Variants in IGFBP4 observed in about 807,000 individuals in gnomAD.
IGFBP4 encodes the protein insulin like growth factor binding protein 4, also known as insulin-like growth factor-binding protein 4.
IGFBP4 carries 9 observed loss-of-function variants against 25.8 expected under a neutral mutation model. The observed-to-expected ratio is 0.35, with a 90% CI of 0.21 to 0.61. IGFBP4 has a LOEUF of 0.61. IGFBP4 is among the 20% of genes least tolerant of loss of function. The pLI is 0.77. For missense variants in IGFBP4, 315 were observed against 365.3 expected (o/e 0.86, Z 1.12); for synonymous variants, 153 against 153.9 (o/e 0.99, Z 0.05).
At position 40,443,868 on chromosome 17, in the gene IGFBP4, G is replaced by C. The variant is rs910722865; in HGVS notation, c.133G>C (p.Glu45Gln). 4.2e-5 allele frequency: 65 copies of C among 1,531,296 alleles called. No homozygotes were observed. The highest frequency in any genetic ancestry group is 5.2e-5 in the Non-Finnish European group (60 of 1,144,974). 94.9% of individuals were successfully genotyped at this position (1,531,296 alleles called of 1,614,324 possible). A position where few individuals can be genotyped will look rare whatever the true frequency, so the allele number is the denominator to read the frequency against. The change falls in exon 1 of 4, where the codon GAG becomes CAG. Residue 45 changes from glutamate to glutamine, a missense_variant. Physicochemically the swap from Glu to Gln is conservative, Grantham distance 29. Coordinates refer to ENST00000269593, the MANE Select transcript of IGFBP4 (RefSeq NM_001552.3). Reference sequence around the variant, plus strand: ...GCGCTGCCGCCCCCCCGTGGGCTGCGAGGAGCTGGTGCGAGAGCCGGGCTG... The same window carrying C: ...GCGCTGCCGCCCCCCCGTGGGCTGCCAGGAGCTGGTGCGAGAGCCGGGCTG... ...LARCRPPVGC[E>Q]ELVREPGCGC...
Position 40,452,975 on chromosome 17 carries a change from C to A in IGFBP4, c.350-10C>A. ...GGTGCTGACCTCTCCTTATCGCTACCTGAATACAGACAAGGACGAGGGTGA... is the reference window on the plus strand; with the variant it reads ...GGTGCTGACCTCTCCTTATCGCTACATGAATACAGACAAGGACGAGGGTGA... On this transcript the variant is annotated splice_polypyrimidine_tract_variant and intron_variant, in intron 1 of 3. Transcript: ENST00000269593. The A allele has an allele frequency of 6.6e-7, 1 of 1,509,340 alleles. No individual in the cohort carries two copies. The highest frequency in any genetic ancestry group is 1.3e-5 in the South Asian group (1 of 77,424). The allele number at this position is 1,509,340 out of a possible 1,614,324, so 93.5% of individuals were successfully genotyped here.
intron 1 of IGFBP4, 127 bp from the exon 2 acceptor site, chr17:40,452,857 GC>G: frequency 1.5e-6 from 1 of 668,896 alleles, no homozygotes. Flanking sequence ...CGCTCCCCAG[GC>G]CCCCTGCTCT....
At chr17:40,447,045 C>T (rs958783777) in intron 1 of IGFBP4, among the ~76,000 whole-genome samples, 3 of 152,236 alleles carry the variant, frequency 2.0e-5, no homozygotes, top group South Asian at 2.1e-4. Flanking sequence ...CCCACTGGCC[C>T]GCGAATAGCT....
chr17:40,445,777 A>ACAACAGAG (rs2035641317), intron 1 of IGFBP4, among the ~76,000 whole-genome samples: 1 of 152,128 alleles, frequency 6.6e-6, no homozygotes, highest in Non-Finnish European at 1.5e-5. Context: ...TTCGCGGGGT[A>ACAACAGAG]CAACAGAGTC....
intron 1 of IGFBP4, among the ~76,000 whole-genome samples, chr17:40,446,854 T>C (rs372526715): frequency 5.5e-4 from 84 of 152,298 alleles, no homozygotes; most frequent in African/African-American, 1.9e-3. Context: ...CTAGTCATCA[T>C]AGAAGTAATC....
intron 3 of IGFBP4, among the ~76,000 whole-genome samples, chr17:40,455,225 C>T (rs902229096): frequency 6.6e-6 from 1 of 152,148 alleles, no homozygotes; most frequent in African/African-American, 2.4e-5. Context: ...TAACATCTTA[C>T]ATTTGTTGCA....
At chr17:40,444,858 CAGAGAG>C (rs112583043) in intron 1 of IGFBP4, among the ~76,000 whole-genome samples, 17 of 122,840 alleles carry the variant, frequency 1.4e-4, no homozygotes, top group East Asian at 1.2e-3. Flanking sequence ...GGGAGAGAAA[CAGAGAG>C]AGAGAGAGAG....
chr17:40,444,932 C>CAGAGAGAGAG lies in IGFBP4; in HGVS notation c.349+892_349+901dup, dbSNP rs10603634. On this transcript the variant is annotated intron_variant, in intron 1 of 3. Coordinates refer to ENST00000269593, the MANE Select transcript of IGFBP4 (RefSeq NM_001552.3). ...ACACACACACACACACACACAGAGA[C>CAGAGAGAGAG]AGAGAGAGAGAGAGAGAGAGAGAGA... Among the ~76,000 whole-genome samples the CAGAGAGAGAG allele has an allele frequency of 3.9e-3, 293 of 75,298 alleles. 4 individuals are homozygous for CAGAGAGAGAG. The highest frequency in any genetic ancestry group is 6.3e-3 in the Middle Eastern group (1 of 158). The allele number at this position is 75,298 out of a possible 152,430, so 49.4% of individuals were successfully genotyped here.
intron 1 of IGFBP4, among the ~76,000 whole-genome samples, chr17:40,447,490 T>C (rs1046010927): frequency 2.6e-5 from 4 of 152,144 alleles, no homozygotes; most frequent in African/African-American, 7.2e-5. Context: ...ATGCAGCAAA[T>C]TCTGCCCCCC....
chr17:40,453,866 C>G lies in IGFBP4; in HGVS notation c.508-62C>G. 2 of 1,363,980 alleles carry G rather than the reference C, an allele frequency of 1.5e-6. No individual in the cohort carries two copies. 84.5% of individuals were successfully genotyped at this position (1,363,980 alleles called of 1,614,324 possible). On this transcript the variant is annotated intron_variant, in intron 2 of 3. Coordinates refer to ENST00000269593, the MANE Select transcript of IGFBP4 (RefSeq NM_001552.3). The surrounding 1 kb of genome is among the most constrained non-coding windows in gnomAD (Gnocchi z 4.0). ...CTTCAGTTCTCACTTAGCTCTGACC[C>G]CAGGCCTGGGCCTCCTGCCTCTCTT...
Position 40,453,084 on chromosome 17 carries a change from G to C in IGFBP4, c.449G>C (p.Ser150Thr), listed in dbSNP as rs1433615900. The C allele has an allele frequency of 2.5e-6, 4 of 1,601,606 alleles. No homozygotes were observed. The highest frequency in any genetic ancestry group is 3.4e-6 in the Non-Finnish European group (4 of 1,174,002). Residue 150 changes from serine (S) to threonine (T), a missense_variant, in exon 2 of 4, where the codon AGC becomes ACC. By Grantham distance (58) the Ser-to-Thr change is moderately conservative. Coordinates refer to ENST00000269593, the MANE Select transcript of IGFBP4 (RefSeq NM_001552.3). The surrounding 1 kb of genome is among the most constrained non-coding windows in gnomAD (Gnocchi z 4.0). ...CACTTCGCCAAAATTCGAGACCGGA[G>C]CACCAGTGGGGGCAAGATGAAGGTC... is the stretch of plus-strand genomic sequence containing the variant. ...QKHFAKIRDRSTSGGKMKVNG... is the reference protein window; with the variant it reads ...QKHFAKIRDRTTSGGKMKVNG...
At position 40,453,130 on chromosome 17, in the gene IGFBP4, T is replaced by C. The variant is rs763234674; in HGVS notation, c.495T>C (p.Asp165=). The change falls in exon 2 of 4, where the codon GAT becomes GAC. Residue 165 remains aspartate, a synonymous_variant. Coordinates refer to ENST00000269593, the MANE Select transcript of IGFBP4 (RefSeq NM_001552.3). This position sits in a 1 kb window ranked among gnomAD's most constrained non-coding sequence, Gnocchi z 4.0. ...KMKVNGAPRE[D]ARPVPQGSCQ... is the part of the protein sequence containing the mutation. ...AGGTCAATGGGGCGCCCCGGGAGGA[T>C]GCCCGGCCTGTGGTAAGGACCTCCG... is the stretch of plus-strand genomic sequence containing the variant. 2 of 1,570,094 alleles carry C rather than the reference T, an allele frequency of 1.3e-6. No individual in the cohort carries two copies. The highest frequency in any genetic ancestry group is 2.4e-5 in the South Asian group (2 of 84,668).
At chr17:40,451,992 C>T (rs75202709) in intron 1 of IGFBP4, among the ~76,000 whole-genome samples, 4,662 of 152,192 alleles carry the variant, frequency 0.031, 95 homozygotes, top group Middle Eastern at 0.085. Context: ...CACATGCCAC[C>T]ATACCCGGTT....
At position 40,443,705 on chromosome 17, in the gene IGFBP4, C is replaced by T; in HGVS notation, c.-31C>T. On this transcript the variant is annotated 5_prime_UTR_variant, in exon 1 of 4. Transcript: ENST00000269593. ...CCGCGCTCCCCGCCTGCGCCCAGCG[C>T]CCCGCGCCCGCGCCCAGTCCTCGGG... 7.7e-7 allele frequency: 1 copy of T among 1,303,114 alleles called. No homozygotes were observed. Among genetic ancestry groups the T allele is most frequent in the Non-Finnish European group, 9.8e-7 (1 of 1,024,194 alleles). 80.7% of individuals were successfully genotyped at this position (1,303,114 alleles called of 1,614,324 possible).
chr17:40,452,677 T>A (rs780901885), intron 1 of IGFBP4, among the ~76,000 whole-genome samples: 22 of 151,980 alleles, frequency 1.4e-4, no homozygotes, highest in Admixed American at 8.5e-4. Flanking sequence ...GCCTCAGACC[T>A]CCCTGCAGGG....
At chr17:40,448,599 A>G (rs539033744) in intron 1 of IGFBP4, among the ~76,000 whole-genome samples, 51 of 152,200 alleles carry the variant, frequency 3.4e-4, no homozygotes, top group Non-Finnish European at 5.6e-4. Context: ...GGTGGCTGGA[A>G]CTCTTGTGTG....
rs10305291 is a variant in IGFBP4 at position 40,449,056 on chromosome 17, C to A, written c.350-3929C>A. Among the ~76,000 whole-genome samples, 1,352 of 152,274 alleles carry A rather than the reference C, an allele frequency of 8.9e-3. 8 individuals carry two copies. Among genetic ancestry groups the A allele is most frequent in the Non-Finnish European group, 0.015 (998 of 68,024 alleles). Reference sequence around the variant, plus strand: ...CTCTCCCTATCTGGTGGGTGCTACTCCGTGTAGACATGAACTGGGGATAAG... The same window carrying A: ...CTCTCCCTATCTGGTGGGTGCTACTACGTGTAGACATGAACTGGGGATAAG... On this transcript the variant is annotated intron_variant, in intron 1 of 3. Coordinates refer to ENST00000269593, the MANE Select transcript of IGFBP4 (RefSeq NM_001552.3).
In IGFBP4 at chr17:40,443,637, C is replaced by T. The variant is rs2035621966; in HGVS notation, c.-99C>T. 1 of 518,016 alleles carries T rather than the reference C, an allele frequency of 1.9e-6. No individual in the cohort carries two copies. The highest frequency in any genetic ancestry group is 2.5e-6 in the Non-Finnish European group (1 of 393,614). 32.1% of individuals were successfully genotyped at this position (518,016 alleles called of 1,614,324 possible). The stretch of plus-strand genomic sequence containing the variant: ...CTCCGGGTCGGGTCCTCCAGGAGCG[C>T]CAGGCGCTGCCGCCGTGTGCCCTCC... On this transcript the variant is annotated 5_prime_UTR_variant, in exon 1 of 4. Transcript: ENST00000269593.
chr17:40,455,587 A>T (rs2035709841), intron 3 of IGFBP4, among the ~76,000 whole-genome samples: 2 of 151,672 alleles, frequency 1.3e-5, no homozygotes, highest in Admixed American at 6.6e-5. Flanking sequence ...GGTTCAAGCG[A>T]TTCTCCTGCC....
Sources: allele counts gnomAD v4.1 joint callset (sites outside exome capture counted in the v4.1 genomes callset), GRCh38; gene constraint gnomAD v4.1.1; non-coding constraint Gnocchi (gnomAD v3.1); transcripts MANE v1.5; gene names NCBI Gene and HGNC (gene_info 2026-07-23, HGNC 2026-07-21).